OSBPL9: variants seen among roughly 807,000 people sequenced by gnomAD.
OSBPL9 encodes oxysterol-binding protein-related protein 9.
In OSBPL9, 40 loss-of-function variants were observed where a neutral mutation model predicts 106.6. That is an observed-to-expected ratio of 0.38 (90% CI 0.29 to 0.49). The LOEUF is 0.49. Ranked by LOEUF, OSBPL9 falls within the 20% of genes least tolerant of loss-of-function variation. OSBPL9 has a pLI of 0.97. For missense variants in OSBPL9, 609 were observed against 887.2 expected (o/e 0.69, Z 3.98); for synonymous variants, 269 against 295.4 (o/e 0.91, Z 0.92).
chr1:51,754,179 G>A (rs1669859966), intron 8 of OSBPL9, among the ~76,000 whole-genome samples: 1 of 152,234 alleles, frequency 6.6e-6, no homozygotes, highest in African/African-American at 2.4e-5. Flanking sequence ...CAGGTGATGT[G>A]ACCACATACC....
chr1:51,647,406 A>G (rs954946443), intron 1 of OSBPL9, among the ~76,000 whole-genome samples: 9 of 152,094 alleles, frequency 5.9e-5, no homozygotes, highest in African/African-American at 2.2e-4. Context: ...TGGTTTTGGT[A>G]TTAGAATAAT....
At chr1:51,519,416 CGGAGCCGGCCGCGG>C in the OSBPL9 span, 5 of 207,980 alleles carry the variant, frequency 2.4e-5, no homozygotes, top group Middle Eastern at 1.9e-3. Context: ...GCCCGCCCGC[CGGAGCCGGCCGCGG>C]CGCCGCCCAA....
At chr1:51,757,327 T>C (rs954902880) in intron 9 of OSBPL9, among the ~76,000 whole-genome samples, 7 of 152,112 alleles carry the variant, frequency 4.6e-5, no homozygotes, top group African/African-American at 1.7e-4. Context: ...CATGGTGATA[T>C]AATACAATTG....
chr1:51,716,361 A>G (rs1044613817), intron 4 of OSBPL9, among the ~76,000 whole-genome samples: 8 of 152,248 alleles, frequency 5.3e-5, no homozygotes, highest in African/African-American at 1.9e-4. Context: ...AACCATTAAC[A>G]TTCAACTTAC....
At chr1:51,575,473 A>G (rs1322185535), upstream of OSBPL9, among the ~76,000 whole-genome samples, 2 of 151,872 alleles carry the variant, frequency 1.3e-5, no homozygotes, top group African/African-American at 4.8e-5. Context: ...GGCCTCCCAA[A>G]GTGCTAGGAT....
At chr1:51,672,407 T>A (rs1268805360) in intron 3 of OSBPL9, among the ~76,000 whole-genome samples, 1 of 152,164 alleles carries the variant, frequency 6.6e-6, no homozygotes, top group Non-Finnish European at 1.5e-5. Flanking sequence ...TTTTAATCAG[T>A]TTATTTACTC....
intron 3 of OSBPL9, among the ~76,000 whole-genome samples, chr1:51,680,339 T>C (rs1212704992): frequency 6.6e-6 from 1 of 152,040 alleles, no homozygotes; most frequent in African/African-American, 2.4e-5. Flanking sequence ...CCTTTCCCCA[T>C]GACACTGAAT....
At chr1:51,604,542 T>C (rs1474726775) in intron 2 of OSBPL9, among the ~76,000 whole-genome samples, 1 of 151,152 alleles carries the variant, frequency 6.6e-6, no homozygotes, top group African/African-American at 2.4e-5. Context: ...GGTGACAGAG[T>C]GAGACTCTGT....
intron 3 of OSBPL9, among the ~76,000 whole-genome samples, chr1:51,679,594 G>GA (rs1480203059): frequency 6.6e-6 from 1 of 152,184 alleles, no homozygotes; most frequent in East Asian, 1.9e-4. Context: ...GAAAACTCCA[G>GA]AAATAAACAA....
At chr1:51,723,995 G>A (rs1035395297) in intron 4 of OSBPL9, among the ~76,000 whole-genome samples, 2 of 152,124 alleles carry the variant, frequency 1.3e-5, no homozygotes, top group African/African-American at 4.8e-5. Context: ...CGCCCAGGCT[G>A]CCATACAGTG....
At chr1:51,697,299 T>G (rs1423505692) in intron 3 of OSBPL9, among the ~76,000 whole-genome samples, 3 of 152,142 alleles carry the variant, frequency 2.0e-5, no homozygotes, top group Non-Finnish European at 4.4e-5. Context: ...TTATCCTTGC[T>G]CATATACCAA....
the OSBPL9 span, among the ~76,000 whole-genome samples, chr1:51,523,141 G>C: frequency 6.6e-6 from 1 of 151,870 alleles, no homozygotes; most frequent in Admixed American, 6.6e-5. Flanking sequence ...TAAGAATAAG[G>C]GTGCTTTGAA....
Position 51,785,905 on chromosome 1 carries a change from C to A in OSBPL9, c.1908+19C>A, listed in dbSNP as rs780362564. On this transcript the variant is annotated intron_variant, in intron 21 of 23. Transcript: ENST00000428468. Reference sequence around the variant, plus strand: ...AACAGGGGTAAGATCCTCTATTTTGCCACTTGTTTTAGGCTACATTAGATT... The same window carrying A: ...AACAGGGGTAAGATCCTCTATTTTGACACTTGTTTTAGGCTACATTAGATT... 1.2e-6 allele frequency: 2 copies of A among 1,601,138 alleles called. No individual in the cohort carries two copies. The highest frequency in any genetic ancestry group is 8.5e-7 in the Non-Finnish European group (1 of 1,171,296).
At chr1:51,717,505 C>T (rs1393670624) in intron 4 of OSBPL9, among the ~76,000 whole-genome samples, 1 of 152,060 alleles carries the variant, frequency 6.6e-6, no homozygotes, top group African/African-American at 2.4e-5. Context: ...TCTTGTTTTG[C>T]TCATCCCATT....
At chr1:51,758,766 T>C (rs1004286387) in intron 9 of OSBPL9, among the ~76,000 whole-genome samples, 21 of 152,208 alleles carry the variant, frequency 1.4e-4, no homozygotes, top group African/African-American at 4.8e-4. Context: ...CTCACTGCTA[T>C]ATATCAAAGC....
chr1:51,784,030 G>A lies in OSBPL9; in HGVS notation c.1624+5G>A. On this transcript the variant is annotated splice_donor_5th_base_variant and intron_variant, in intron 18 of 23. Transcript: ENST00000428468. ...GGGTGCACAACATAGGGCAGGGTAA[G>A]TGTGTTGGCATTGGGTGGACTACAA... 2 of 1,599,922 alleles carry A rather than the reference G, an allele frequency of 1.3e-6. No individual in the cohort carries two copies. Among genetic ancestry groups the A allele is most frequent in the East Asian group, 2.2e-5 (1 of 44,822 alleles).
intron 1 of OSBPL9, among the ~76,000 whole-genome samples, chr1:51,638,580 A>G (rs774824124): frequency 1.1e-4 from 17 of 151,986 alleles, no homozygotes; most frequent in South Asian, 2.1e-4. Flanking sequence ...TTTTTTAAAG[A>G]AAAGAAAGGC....
At chr1:51,657,051 G>A (rs1646863342) in intron 2 of OSBPL9, among the ~76,000 whole-genome samples, 1 of 152,058 alleles carries the variant, frequency 6.6e-6, no homozygotes, top group South Asian at 2.1e-4. Context: ...TTTTTCTGTT[G>A]TCTCCACTTG....
intron 1 of OSBPL9, among the ~76,000 whole-genome samples, chr1:51,617,996 TTG>T (rs58221259): frequency 5.8e-4 from 84 of 145,650 alleles, no homozygotes; most frequent in Admixed American, 1.6e-3. Flanking sequence ...TCTTACGTGG[TTG>T]TGTGTGTGTG....
Sources: allele counts gnomAD v4.1 joint callset (sites outside exome capture counted in the v4.1 genomes callset), GRCh38; gene constraint gnomAD v4.1.1; transcripts MANE v1.5; gene names NCBI Gene and HGNC (gene_info 2026-07-23, HGNC 2026-07-21).